PHACTR2: variants seen among roughly 807,000 people sequenced by gnomAD.
PHACTR2 encodes chromosome 6 open reading frame 56.
PHACTR2 carries 30 observed loss-of-function variants against 76.0 expected under a neutral mutation model. The ratio of observed to expected loss-of-function variants is 0.39; its 90% CI spans 0.30 to 0.54. PHACTR2 has a LOEUF of 0.54. PHACTR2 is among the 20% of genes least tolerant of loss of function. PHACTR2 has a pLI of 0.61. For missense variants in PHACTR2, 696 were observed against 781.1 expected (o/e 0.89, Z 1.30); for synonymous variants, 292 against 292.5 (o/e 1.00, Z 0.02).
chr6:143,631,525 C>T (rs1042537740), intron 1 of PHACTR2, among the ~76,000 whole-genome samples: 4 of 152,112 alleles, frequency 2.6e-5, no homozygotes, highest in African/African-American at 9.7e-5. Flanking sequence ...CTTCCTGGCT[C>T]CATCTGCAGA....
rs1775786648 is a variant in PHACTR2 at position 143,794,704 on chromosome 6, G to A, written c.1845+5794G>A. On this transcript the variant is annotated intron_variant, in intron 11 of 12. Transcript: ENST00000440869. This position sits in a 1 kb window ranked among gnomAD's most constrained non-coding sequence, Gnocchi z 4.1. ...AGCTGCTTGGGAGACTGAAGCAGGA[G>A]AATCACTTGAACCCAGGAGACAGAA... Among the ~76,000 whole-genome samples, 1 of 152,150 alleles carries A rather than the reference G, an allele frequency of 6.6e-6. No individual in the cohort carries two copies.
At position 143,755,634 on chromosome 6, in the gene PHACTR2, G is replaced by A. The variant is rs1424531221; in HGVS notation, c.454+1722G>A. The A allele has an allele frequency of 8.3e-6, 2 of 240,250 alleles. No homozygotes were observed. The highest frequency in any genetic ancestry group is 4.5e-5 in the African/African-American group (2 of 44,126). 14.9% of individuals were successfully genotyped at this position (240,250 alleles called of 1,614,324 possible). A position where few individuals can be genotyped will look rare whatever the true frequency, so the allele number is the denominator to read the frequency against. On this transcript the variant is annotated intron_variant, in intron 4 of 12. Coordinates refer to ENST00000440869, the MANE Select transcript of PHACTR2 (RefSeq NM_001100164.2). The surrounding 1 kb of genome is among the most constrained non-coding windows in gnomAD (Gnocchi z 5.2). ...TATCTGATAAGGTCCAAGAGAGCCT[G>A]TTGCTTGGCTAGTAGGTACATGAGG...
rs1435769408 is a variant in PHACTR2 at position 143,583,666 on chromosome 6, T to C, written c.217+46459T>C. On this transcript the variant is annotated intron_variant, in intron 1 of 11. Coordinates refer to the PHACTR2 transcript ENST00000367584. This position sits in a 1 kb window ranked among gnomAD's most constrained non-coding sequence, Gnocchi z 4.0. ...AATACTGTAATTTTCCCAGAACTGATAGCTTGATTTTGCCAGTTATACACC... is the reference window on the plus strand; with the variant it reads ...AATACTGTAATTTTCCCAGAACTGACAGCTTGATTTTGCCAGTTATACACC... Among the ~76,000 whole-genome samples the C allele has an allele frequency of 5.9e-5, 9 of 152,276 alleles. No individual in the cohort carries two copies. Among genetic ancestry groups the C allele is most frequent in the Non-Finnish European group, 1.3e-4 (9 of 68,052 alleles).
At chr6:143,594,613 G>A (rs568183331) in intron 1 of PHACTR2, among the ~76,000 whole-genome samples, 1 of 152,358 alleles carries the variant, frequency 6.6e-6, no homozygotes, top group South Asian at 2.1e-4. Context: ...ATGAAAACTG[G>A]GTATTGCTGC....
chr6:143,705,262 G>A (rs866468578), intron 1 of PHACTR2, among the ~76,000 whole-genome samples: 1 of 150,324 alleles, frequency 6.7e-6, no homozygotes, highest in Middle Eastern at 3.3e-3. Flanking sequence ...GAGATTACAA[G>A]CGCCTGCTAC....
chr6:143,783,283 A>G lies in PHACTR2; in HGVS notation c.1707+3A>G. ...TTAAACGCAGACTCAGCAGAAAGGT[A>G]ATGAAATCATAACTATTAATGAGCA... On this transcript the variant is annotated splice_donor_region_variant and intron_variant, in intron 10 of 12. Coordinates refer to ENST00000440869, the MANE Select transcript of PHACTR2 (RefSeq NM_001100164.2). This position sits in a 1 kb window ranked among gnomAD's most constrained non-coding sequence, Gnocchi z 5.2. The G allele has an allele frequency of 6.3e-7, 1 of 1,587,390 alleles. No homozygotes were observed. Among genetic ancestry groups the G allele is most frequent in the Non-Finnish European group, 8.6e-7 (1 of 1,156,300 alleles).
In PHACTR2 at chr6:143,581,190, C is replaced by G. The variant is rs1775568003; in HGVS notation, c.217+43983C>G. On this transcript the variant is annotated intron_variant, in intron 1 of 11. Coordinates refer to the PHACTR2 transcript ENST00000367584. This position sits in a 1 kb window ranked among gnomAD's most constrained non-coding sequence, Gnocchi z 4.5. ...TATTCTAGAACTTTACCCTTGTTCT[C>G]AAGTCTCCGTGTGGACAGGGGATGA... 1.3e-5 allele frequency among the ~76,000 whole-genome samples: 2 copies of G among 152,212 alleles called. No individual in the cohort carries two copies. The highest frequency in any genetic ancestry group is 6.5e-5 in the Admixed American group (1 of 15,282).
chr6:143,691,451 A>G (rs1224877128), intron 1 of PHACTR2, among the ~76,000 whole-genome samples: 5 of 152,122 alleles, frequency 3.3e-5, no homozygotes, highest in Non-Finnish European at 5.9e-5. Flanking sequence ...TCCTATTGTC[A>G]AGTAGAATGT....
chr6:143,593,063 A>G (rs1775710648), intron 1 of PHACTR2, among the ~76,000 whole-genome samples: 1 of 151,434 alleles, frequency 6.6e-6, no homozygotes, highest in African/African-American at 2.4e-5. Flanking sequence ...AAAAAAAAAA[A>G]AAAAAAAGGA....
At position 143,610,709 on chromosome 6, in the gene PHACTR2, GA is replaced by G. The variant is rs2128437590; in HGVS notation, c.13+2389del. Among the ~76,000 whole-genome samples, 1 of 152,284 alleles carries G rather than the reference GA, an allele frequency of 6.6e-6. No homozygotes were observed. Among genetic ancestry groups the G allele is most frequent in the East Asian group, 1.9e-4 (1 of 5,186 alleles). On this transcript the variant is annotated intron_variant, in intron 1 of 11. Transcript: ENST00000305766. The surrounding 1 kb of genome is among the most constrained non-coding windows in gnomAD (Gnocchi z 4.9). ...TACATTTCAGCTATCATGGCATTGT[GA>G]ATCTGTCCTTTCTCTCCTTAGCAGC...
At chr6:143,622,582 T>C (rs767298551) in intron 1 of PHACTR2, among the ~76,000 whole-genome samples, 1 of 152,214 alleles carries the variant, frequency 6.6e-6, no homozygotes, top group Non-Finnish European at 1.5e-5. Flanking sequence ...ATGATGTATA[T>C]AGACCATCTC....
rs953402194 is a variant in PHACTR2, at chr6:143,825,027, T to C, written c.*1338T>C. ...AAGAAACTCTCTATTATTGTGTTGC[T>C]ATTTTCCATGGAGTCACAGGCACAC... On this transcript the variant is annotated 3_prime_UTR_variant, in exon 13 of 13. Coordinates refer to ENST00000440869, the MANE Select transcript of PHACTR2 (RefSeq NM_001100164.2). This position sits in a 1 kb window ranked among gnomAD's most constrained non-coding sequence, Gnocchi z 4.1. 1.3e-5 allele frequency: 2 copies of C among 152,660 alleles called. No individual in the cohort carries two copies. The highest frequency in any genetic ancestry group is 2.9e-5 in the Non-Finnish European group (2 of 68,042). 9.5% of individuals were successfully genotyped at this position (152,660 alleles called of 1,614,324 possible). A position where few individuals can be genotyped will look rare whatever the true frequency, so the allele number is the denominator to read the frequency against.
Position 143,671,112 on chromosome 6 carries a change from T to C in PHACTR2, c.14-40904T>C, listed in dbSNP as rs987620603. On this transcript the variant is annotated intron_variant, in intron 1 of 11. Transcript: ENST00000305766. The surrounding 1 kb of genome is among the most constrained non-coding windows in gnomAD (Gnocchi z 4.6). ...GCCCAGCTAATTTTTGTATTTTTAGTAGAGATGGGGTTCCACCACGTTGGT... is the reference window on the plus strand; with the variant it reads ...GCCCAGCTAATTTTTGTATTTTTAGCAGAGATGGGGTTCCACCACGTTGGT... Among the ~76,000 whole-genome samples, 5 of 152,062 alleles carry C rather than the reference T, an allele frequency of 3.3e-5. No homozygotes were observed. The highest frequency in any genetic ancestry group is 1.2e-4 in the African/African-American group (5 of 41,394).
rs1778095066 is a variant in PHACTR2 at position 143,708,194 on chromosome 6, C to G, written c.47-3822C>G. On this transcript the variant is annotated intron_variant, in intron 1 of 12. Coordinates refer to ENST00000440869, the MANE Select transcript of PHACTR2 (RefSeq NM_001100164.2). The surrounding 1 kb of genome is among the most constrained non-coding windows in gnomAD (Gnocchi z 5.5). The stretch of plus-strand genomic sequence containing the variant: ...TTGCACTGGGACTGCCTAACTGATA[C>G]ATTTCTGTTTAAATAAAAAATAAAA... 6.6e-6 allele frequency among the ~76,000 whole-genome samples: 1 copy of G among 152,146 alleles called. No individual in the cohort carries two copies. The highest frequency in any genetic ancestry group is 2.4e-5 in the African/African-American group (1 of 41,438).
At chr6:143,778,881 A>C (rs890761449) in intron 9 of PHACTR2, among the ~76,000 whole-genome samples, 1 of 152,180 alleles carries the variant, frequency 6.6e-6, no homozygotes, top group Non-Finnish European at 1.5e-5. Context: ...TTATCTGAGG[A>C]ACTGTTTCAT....
At chr6:143,544,858 T>C (rs1263367078) in intron 1 of PHACTR2, among the ~76,000 whole-genome samples, 1 of 152,168 alleles carries the variant, frequency 6.6e-6, no homozygotes, top group East Asian at 1.9e-4. Context: ...AATCAAAAAC[T>C]AGCCTAAAAC....
chr6:143,540,536 AG>A (rs1477471272), intron 1 of PHACTR2, among the ~76,000 whole-genome samples: 1 of 152,188 alleles, frequency 6.6e-6, no homozygotes, highest in Non-Finnish European at 1.5e-5. Context: ...GTTCTGTGCT[AG>A]CACTGTGTTG....
intron 1 of PHACTR2, among the ~76,000 whole-genome samples, chr6:143,615,668 G>C (rs1776047749): frequency 6.6e-6 from 1 of 152,098 alleles, no homozygotes; most frequent in Admixed American, 6.6e-5. Context: ...GATAATATTA[G>C]AGTCATTAAC....
Position 143,580,572 on chromosome 6 carries a change from C to A in PHACTR2, c.217+43365C>A, listed in dbSNP as rs1489376633. On this transcript the variant is annotated intron_variant, in intron 1 of 11. Coordinates refer to the PHACTR2 transcript ENST00000367584. This position sits in a 1 kb window ranked among gnomAD's most constrained non-coding sequence, Gnocchi z 4.2. ...CCTGTAATCCCAGCTACTTGGGAGGCTGAGGCAGGAGAATTGCTTGAACCC... is the reference window on the plus strand; with the variant it reads ...CCTGTAATCCCAGCTACTTGGGAGGATGAGGCAGGAGAATTGCTTGAACCC... Among the ~76,000 whole-genome samples the A allele has an allele frequency of 6.6e-6, 1 of 152,124 alleles. No homozygotes were observed. Among genetic ancestry groups the A allele is most frequent in the African/African-American group, 2.4e-5 (1 of 41,430 alleles).
Sources: gnomAD v4.1 joint callset for allele counts (sites outside exome capture counted in the v4.1 genomes callset) on GRCh38, gnomAD v4.1.1 for gene constraint, Gnocchi (gnomAD v3.1) non-coding constraint, MANE v1.5 for transcripts, NCBI Gene and HGNC (gene_info 2026-07-23, HGNC 2026-07-21) for gene names.